SLC17A6: variants seen among roughly 807,000 people sequenced by gnomAD.
SLC17A6 encodes the protein solute carrier family 17 member 6.
A neutral mutation model predicts 67.1 loss-of-function variants in SLC17A6; 35 were observed. The observed-to-expected ratio is 0.52, with a 90% CI of 0.40 to 0.69. The LOEUF is 0.69. Ranked by LOEUF, SLC17A6 falls within the 30% of genes least tolerant of loss-of-function variation. SLC17A6 has a pLI of 0.00. For missense variants in SLC17A6, 588 were observed against 723.9 expected (o/e 0.81, Z 2.15); for synonymous variants, 285 against 252.3 (o/e 1.13, Z -1.23).
intron 7 of SLC17A6, among the ~76,000 whole-genome samples, chr11:22,369,294 A>T (rs1302694687): frequency 3.3e-5 from 5 of 151,962 alleles, no homozygotes; most frequent in African/African-American, 1.2e-4. Context: ...ATTAGGTTTA[A>T]TTTTTTAAAG....
chr11:22,377,888 G>T lies in SLC17A6; in HGVS notation c.*148G>T, dbSNP rs972542127. On this transcript the variant is annotated 3_prime_UTR_variant, in exon 12 of 12. Transcript: ENST00000263160. ...AATGAAAACAAAACAAACCCATGAGGTTACCATCAAGTGCAATCTGTAAAA... is the reference window on the plus strand; with the variant it reads ...AATGAAAACAAAACAAACCCATGAGTTTACCATCAAGTGCAATCTGTAAAA... 4.7e-6 allele frequency: 3 copies of T among 637,880 alleles called. No homozygotes were observed. In the South Asian group the frequency reaches 7.3e-5, roughly 16 times the overall value. The allele number at this position is 637,880 out of a possible 1,614,324, so 39.5% of individuals were successfully genotyped here.
intron 3 of SLC17A6, among the ~76,000 whole-genome samples, chr11:22,346,942 C>T (rs1590379928): frequency 6.6e-6 from 1 of 151,054 alleles, no homozygotes; most frequent in African/African-American, 2.4e-5. Flanking sequence ...TAATGTATAG[C>T]ACTGTATCAC....
intron 3 of SLC17A6, among the ~76,000 whole-genome samples, chr11:22,358,372 G>A (rs1341089510): frequency 2.0e-5 from 3 of 152,122 alleles, no homozygotes; most frequent in Non-Finnish European, 4.4e-5. Context: ...ACTGTTGCCC[G>A]CCCAGGATGC....
chr11:22,343,798 C>T (rs1450253862), intron 3 of SLC17A6, among the ~76,000 whole-genome samples: 1 of 152,154 alleles, frequency 6.6e-6, no homozygotes, highest in Non-Finnish European at 1.5e-5. Context: ...TGGCAAGGCG[C>T]CTCGAAGACC....
chr11:22,369,924 T>C (rs759166903), intron 7 of SLC17A6, 115 bp from the exon 8 acceptor site: 2 of 906,478 alleles, frequency 2.2e-6, no homozygotes, highest in Non-Finnish European at 3.3e-6. Flanking sequence ...TACATCTTCC[T>C]ACTTCCTACT....
chr11:22,339,105 TA>T lies in SLC17A6; in HGVS notation c.86+487del, dbSNP rs1314723492. Among the ~76,000 whole-genome samples the T allele has an allele frequency of 8.4e-5, 6 of 71,652 alleles. 1 individual carries two copies. Among genetic ancestry groups the T allele is most frequent in the African/African-American group, 1.2e-4 (2 of 16,158 alleles). The allele number at this position is 71,652 out of a possible 152,430, so 47.0% of individuals were successfully genotyped here. ...ATATATATATGTTATATATATATGT[TA>T]TATATATATGTTATATATATATGTT... On this transcript the variant is annotated intron_variant, in intron 1 of 11. Transcript: ENST00000263160.
chr11:22,357,671 GGA>G (rs1198326645), intron 3 of SLC17A6, among the ~76,000 whole-genome samples: 2 of 152,106 alleles, frequency 1.3e-5, no homozygotes, highest in South Asian at 2.1e-4. Context: ...CTTCAAAAAG[GGA>G]GAGACAGTGA....
intron 3 of SLC17A6, among the ~76,000 whole-genome samples, chr11:22,352,983 T>C (rs1855958567): frequency 6.6e-6 from 1 of 152,232 alleles, no homozygotes; most frequent in Admixed American, 6.5e-5. Flanking sequence ...TAATGAAAGC[T>C]GCTAGAATTT....
At chr11:22,370,295 T>C in intron 8 of SLC17A6, 107 bp downstream of exon 8, 1 of 895,230 alleles carries the variant, frequency 1.1e-6, no homozygotes, top group African/African-American at 1.7e-5. Flanking sequence ...AGATTATTCA[T>C]TTATTCATTA....
At chr11:22,366,350 A>G (rs982336903) in intron 7 of SLC17A6, among the ~76,000 whole-genome samples, 1 of 152,000 alleles carries the variant, frequency 6.6e-6, no homozygotes, top group Non-Finnish European at 1.5e-5. Flanking sequence ...TTAAGGGAGG[A>G]CTACTATATT....
chr11:22,365,468 C>A, intron 6 of SLC17A6, 79 bp from the exon 7 acceptor site: 1 of 1,416,432 alleles, frequency 7.1e-7, no homozygotes, highest in Non-Finnish European at 1.0e-6. Flanking sequence ...ATATGTTTGT[C>A]TTGAGATGAT....
rs557569286 is a variant in SLC17A6 at position 22,367,256 on chromosome 11, C to T, written c.891+1567C>T. 2.6e-5 allele frequency among the ~76,000 whole-genome samples: 4 copies of T among 151,920 alleles called. No individual in the cohort carries two copies. The South Asian group carries it at 6.3e-4, about 24-fold the overall frequency. On this transcript the variant is annotated intron_variant, in intron 7 of 11. Coordinates refer to ENST00000263160, the MANE Select transcript of SLC17A6 (RefSeq NM_020346.3). Reference sequence around the variant, plus strand: ...CTCTACTTCATTTGTAAGAGAATGCCTGTCTTTGACATCTCATCATAGGTT... The same window carrying T: ...CTCTACTTCATTTGTAAGAGAATGCTTGTCTTTGACATCTCATCATAGGTT...
At chr11:22,376,275 A>G (rs1259286099) in intron 10 of SLC17A6, among the ~76,000 whole-genome samples, 183 bp downstream of exon 10, 1 of 152,158 alleles carries the variant, frequency 6.6e-6, no homozygotes, top group African/African-American at 2.4e-5. Flanking sequence ...AGATTTGTTA[A>G]TACTCAATTT....
chr11:22,338,930 C>A (rs1194578494), intron 1 of SLC17A6, among the ~76,000 whole-genome samples: 2 of 150,380 alleles, frequency 1.3e-5, no homozygotes, highest in Non-Finnish European at 1.5e-5. Flanking sequence ...TAAGAAATGG[C>A]CAGCCCCTGC....
chr11:22,345,579 T>C (rs1855867521), intron 3 of SLC17A6, among the ~76,000 whole-genome samples: 1 of 152,204 alleles, frequency 6.6e-6, no homozygotes. Flanking sequence ...AATATTTTCA[T>C]ATATGATATG....
chr11:22,344,262 A>G (rs1194691767), intron 3 of SLC17A6, among the ~76,000 whole-genome samples: 8 of 152,108 alleles, frequency 5.3e-5, no homozygotes, highest in African/African-American at 1.4e-4. Context: ...TGTACCTAAA[A>G]CTTCATTCCT....
intron 3 of SLC17A6, among the ~76,000 whole-genome samples, chr11:22,347,701 C>T (rs937765156): frequency 5.9e-5 from 9 of 152,004 alleles, no homozygotes; most frequent in East Asian, 5.8e-4. Context: ...CTAAAAATTC[C>T]GTAAATTTTA....
chr11:22,370,247 A>G (rs1856160769), intron 8 of SLC17A6, 59 bp downstream of exon 8: 1 of 1,441,070 alleles, frequency 6.9e-7, no homozygotes, highest in Admixed American at 2.4e-5. Context: ...AGTGAATACT[A>G]AATTCATTTG....
intron 4 of SLC17A6, 58 bp downstream of exon 4, chr11:22,359,585 T>G: frequency 9.8e-7 from 1 of 1,023,748 alleles, no homozygotes. Context: ...GAACCACCAG[T>G]TTATCTTTGT....
Sources: allele counts gnomAD v4.1 joint callset (sites outside exome capture counted in the v4.1 genomes callset), GRCh38; gene constraint gnomAD v4.1.1; transcripts MANE v1.5; gene names NCBI Gene and HGNC (gene_info 2026-07-23, HGNC 2026-07-21).